Variants in SNTG1 observed in about 807,000 individuals in gnomAD.
The protein encoded by SNTG1 is gamma-1-syntrophin.
Under a neutral mutation model 74.7 loss-of-function variants are expected in SNTG1, and 39 were observed. The ratio of observed to expected loss-of-function variants is 0.52; its 90% CI spans 0.40 to 0.68. SNTG1 has a LOEUF of 0.68. Among genes scored for constraint, SNTG1 ranks in the 30% least tolerant of loss-of-function variants. The pLI, the probability that SNTG1 is intolerant of heterozygous loss-of-function variation, is 0.00. For missense variants in SNTG1, 685 were observed against 609.5 expected, an observed-to-expected ratio of 1.12 and a Z score of -1.30; for synonymous variants, 254 against 217.1, an observed-to-expected ratio of 1.17 and a Z score of -1.49.
At chr8:50,434,567 G>T (rs1024136810) in intron 4 of SNTG1, among the ~76,000 whole-genome samples, 2 of 152,030 alleles carry the variant, frequency 1.3e-5, no homozygotes, top group Non-Finnish European at 2.9e-5. Context: ...CCTGACTTTT[G>T]AATGATCGCC....
intron 1 of SNTG1, among the ~76,000 whole-genome samples, chr8:50,006,077 C>T (rs1335080746): frequency 1.3e-5 from 2 of 150,308 alleles, no homozygotes; most frequent in Non-Finnish European, 2.9e-5. Context: ...ATTCTCCTGC[C>T]TCAGCCTCCA....
At chr8:50,021,420 G>T (rs1322470629) in intron 1 of SNTG1, among the ~76,000 whole-genome samples, 1 of 151,892 alleles carries the variant, frequency 6.6e-6, no homozygotes, top group Non-Finnish European at 1.5e-5. Flanking sequence ...CCATATATAT[G>T]GTCAATGGCT....
chr8:50,261,797 A>C (rs750465013), intron 2 of SNTG1, among the ~76,000 whole-genome samples: 10 of 152,186 alleles, frequency 6.6e-5, no homozygotes, highest in Non-Finnish European at 1.3e-4. Flanking sequence ...TAAGGAAGGA[A>C]AGAAAACAGA....
chr8:50,704,736 A>G lies in SNTG1; in HGVS notation c.1175A>G (p.Glu392Gly). The part of the protein sequence containing the change: ...ERAFQTATFL[E>G]VERIQCKTYA... The stretch of plus-strand genomic sequence containing the variant: ...GCCTTCCAGACAGCAACCTTTCTAG[A>G]AGTAGAACGGATACAGGTGAGAGTC... The change falls in exon 16 of 19, where the codon GAA (glutamate) becomes GGA (glycine). Residue 392 changes from glutamate (E) to glycine (G), a missense_variant. Transcript: ENST00000642720. 6.2e-7 allele frequency: 1 copy of G among 1,614,006 alleles called. No individual in the cohort carries two copies.
chr8:50,175,034 A>G (rs2131674727), intron 2 of SNTG1, among the ~76,000 whole-genome samples: 1 of 152,144 alleles, frequency 6.6e-6, no homozygotes, highest in Non-Finnish European at 1.5e-5. Flanking sequence ...CCTACAAAGG[A>G]CATGAACTCA....
intron 4 of SNTG1, among the ~76,000 whole-genome samples, chr8:50,408,486 G>A (rs923614990): frequency 9.2e-5 from 14 of 152,108 alleles, no homozygotes; most frequent in African/African-American, 3.1e-4. Context: ...ATGGCAGTGG[G>A]ACAAGGTCTG....
intron 8 of SNTG1, among the ~76,000 whole-genome samples, chr8:50,468,806 GTGTT>G (rs1436771663): frequency 6.6e-6 from 1 of 152,104 alleles, no homozygotes; most frequent in Non-Finnish European, 1.5e-5. Flanking sequence ...AAAACAATTA[GTGTT>G]TGTTTTAGTT....
At chr8:50,175,500 A>G (rs1341248905) in intron 2 of SNTG1, among the ~76,000 whole-genome samples, 1 of 152,230 alleles carries the variant, frequency 6.6e-6, no homozygotes, top group Non-Finnish European at 1.5e-5. Flanking sequence ...AACTTCCAGA[A>G]TTATTCTGGG....
At chr8:50,046,027 A>T (rs1376201607) in intron 1 of SNTG1, among the ~76,000 whole-genome samples, 1 of 152,226 alleles carries the variant, frequency 6.6e-6, no homozygotes, top group African/African-American at 2.4e-5. Context: ...CAACTCCATG[A>T]TTTTAGTGAG....
chr8:50,759,651 T>C (rs1585724534), intron 18 of SNTG1, among the ~76,000 whole-genome samples: 2 of 151,952 alleles, frequency 1.3e-5, no homozygotes, highest in East Asian at 3.9e-4. Context: ...GGACTCATTC[T>C]GTTCCATTGA....
chr8:50,219,152 A>T (rs1267993222), intron 2 of SNTG1, among the ~76,000 whole-genome samples: 2 of 152,200 alleles, frequency 1.3e-5, no homozygotes, highest in Non-Finnish European at 2.9e-5. Context: ...CAGCTTTAAT[A>T]AAGCATTTCC....
intron 2 of SNTG1, among the ~76,000 whole-genome samples, chr8:50,229,344 C>T (rs1423426089): frequency 6.6e-6 from 1 of 151,342 alleles, no homozygotes; most frequent in East Asian, 1.9e-4. Flanking sequence ...TGCTGATACA[C>T]TATCAGAAAT....
At chr8:50,226,564 A>T (rs1029258298) in intron 2 of SNTG1, among the ~76,000 whole-genome samples, 2 of 152,210 alleles carry the variant, frequency 1.3e-5, no homozygotes, top group African/African-American at 4.8e-5. Flanking sequence ...ACAATCTTTT[A>T]TCTTAACCTG....
intron 2 of SNTG1, among the ~76,000 whole-genome samples, chr8:50,376,756 T>TATATATATATATAGAGAGAGAGAGAGAG (rs1381048539): frequency 2.2e-5 from 2 of 89,982 alleles, no homozygotes; most frequent in Non-Finnish European, 4.5e-5. Context: ...TATATATATA[T>TATATATATATATAGAGAGAGAGAGAGAG]AGAGAGAGAG....
chr8:50,739,810 G>C (rs2095538572), intron 17 of SNTG1, among the ~76,000 whole-genome samples: 1 of 151,962 alleles, frequency 6.6e-6, no homozygotes, highest in South Asian at 2.1e-4. Context: ...GGGGAACCCA[G>C]AAATAAGACC....
At chr8:50,015,322 T>C (rs181749049) in intron 1 of SNTG1, among the ~76,000 whole-genome samples, 13 of 152,034 alleles carry the variant, frequency 8.6e-5, no homozygotes, top group Non-Finnish European at 1.3e-4. Flanking sequence ...AACTTGATGA[T>C]AGGTCAATAG....
Position 50,620,033 on chromosome 8 carries a change from T to C in SNTG1, c.849+29116T>C, listed in dbSNP as rs138145661. Among the ~76,000 whole-genome samples the C allele has an allele frequency of 1.5e-3, 233 of 152,278 alleles. 1 individual carries two copies. The highest frequency in any genetic ancestry group is 5.4e-3 in the African/African-American group (223 of 41,568). Reference sequence around the variant, plus strand: ...CCTTGTGTTCCTGTAGGTCTGAAGATGCACATGAGTCTCATTGGGCTAATC... The same window carrying C: ...CCTTGTGTTCCTGTAGGTCTGAAGACGCACATGAGTCTCATTGGGCTAATC... On this transcript the variant is annotated intron_variant, in intron 13 of 18. Transcript: ENST00000642720.
intron 1 of SNTG1, among the ~76,000 whole-genome samples, chr8:50,147,287 A>G (rs908757471): frequency 1.3e-5 from 2 of 152,336 alleles, no homozygotes; most frequent in South Asian, 2.1e-4. Flanking sequence ...GAATCAAACT[A>G]TATTATAAAT....
At chr8:50,250,334 A>G (rs548441025) in intron 2 of SNTG1, among the ~76,000 whole-genome samples, 1 of 152,172 alleles carries the variant, frequency 6.6e-6, no homozygotes, top group East Asian at 1.9e-4. Flanking sequence ...ATGGGACTTC[A>G]TTAAGCAAAC....
Sources: gnomAD v4.1 joint callset for allele counts (sites outside exome capture counted in the v4.1 genomes callset) on GRCh38, gnomAD v4.1.1 for gene constraint, MANE v1.5 for transcripts, NCBI Gene and HGNC (gene_info 2026-07-23, HGNC 2026-07-21) for gene names.